NME7: variants seen among roughly 807,000 people sequenced by gnomAD.
The protein encoded by NME7 is NME/NM23 family member 7, also known as nucleoside diphosphate kinase 7.
NME7 carries 41 observed loss-of-function variants against 49.1 expected under a neutral mutation model. That is an observed-to-expected ratio of 0.83 (90% CI 0.65 to 1.08). The LOEUF is 1.08. NME7 is among the 50% of genes least tolerant of loss of function. The pLI, the probability that NME7 is intolerant of heterozygous loss-of-function variation, is 0.00. For missense variants in NME7, 423 were observed against 463.4 expected (o/e 0.91, Z 0.80); for synonymous variants, 139 against 150.6 (o/e 0.92, Z 0.56).
chr1:169,271,667 G>T (rs968266949), intron 7 of NME7, among the ~76,000 whole-genome samples: 1 of 133,204 alleles, frequency 7.5e-6, no homozygotes, highest in African/African-American at 2.5e-5. Flanking sequence ...GGATATTCTG[G>T]CCTTTTTTTG....
intron 7 of NME7, among the ~76,000 whole-genome samples, chr1:169,238,070 T>C (rs367994293): frequency 6.6e-6 from 1 of 151,754 alleles, no homozygotes. Context: ...AAACAAGAGT[T>C]CAAAGAAGGA....
At chr1:169,279,509 C>T (rs1649909156) in intron 7 of NME7, among the ~76,000 whole-genome samples, 1 of 152,222 alleles carries the variant, frequency 6.6e-6, no homozygotes, top group Admixed American at 6.5e-5. Context: ...GGGATATGAC[C>T]TTCTGGTGCG....
chr1:169,133,364 G>A (rs942280586), intron 11 of NME7, among the ~76,000 whole-genome samples: 6 of 152,122 alleles, frequency 3.9e-5, no homozygotes, highest in South Asian at 2.1e-4. Flanking sequence ...GAAACCTTTC[G>A]CAAAGCCTGT....
intron 1 of NME7, among the ~76,000 whole-genome samples, chr1:169,334,417 C>A (rs1652376781): frequency 6.6e-6 from 1 of 152,164 alleles, no homozygotes; most frequent in South Asian, 2.1e-4. Flanking sequence ...CACACATCTA[C>A]AACCATCTCA....
intron 7 of NME7, among the ~76,000 whole-genome samples, chr1:169,276,946 C>G (rs1396721998): frequency 6.7e-6 from 1 of 150,136 alleles, no homozygotes; most frequent in South Asian, 2.2e-4. Flanking sequence ...TCGTTATGTA[C>G]CCAGTAGTCA....
At chr1:169,281,996 T>C (rs1650037462) in intron 7 of NME7, among the ~76,000 whole-genome samples, 1 of 152,208 alleles carries the variant, frequency 6.6e-6, no homozygotes, top group African/African-American at 2.4e-5. Context: ...TCTTTTTCTA[T>C]TGTTTGGAAC....
intron 11 of NME7, chr1:169,168,773 A>C: frequency 2.3e-6 from 1 of 428,748 alleles, no homozygotes; most frequent in Non-Finnish European, 4.6e-6. Context: ...ACACATAAAT[A>C]GACTAGTATC....
intron 7 of NME7, among the ~76,000 whole-genome samples, chr1:169,271,459 T>TG (rs1219730815): frequency 1.5e-5 from 2 of 133,752 alleles, no homozygotes; most frequent in Non-Finnish European, 3.5e-5. Flanking sequence ...AGCCTGCTGT[T>TG]GCTACAAACC....
Position 169,332,781 on chromosome 1 carries a change from T to A in NME7, c.4-8281A>T, listed in dbSNP as rs546702510. 2.0e-5 allele frequency among the ~76,000 whole-genome samples: 3 copies of A among 152,256 alleles called. No individual in the cohort carries two copies. In the South Asian group the frequency reaches 6.2e-4, roughly 32 times the overall value. Reference sequence around the variant, plus strand: ...AAAACTACAATGAGATATCATCTTATCCCAGTTAAAATGGCTCTTATCCAA... The same window carrying A: ...AAAACTACAATGAGATATCATCTTAACCCAGTTAAAATGGCTCTTATCCAA... On this transcript the variant is annotated intron_variant, in intron 1 of 11. Coordinates refer to ENST00000367811, the MANE Select transcript of NME7 (RefSeq NM_013330.5).
At chr1:169,316,052 C>T (rs756630487) in intron 3 of NME7, among the ~76,000 whole-genome samples, 14 of 151,736 alleles carry the variant, frequency 9.2e-5, no homozygotes, top group Admixed American at 2.6e-4. Flanking sequence ...TAAAAAGAAA[C>T]GGGTAGTTTA....
chr1:169,169,360 A>C lies in NME7; in HGVS notation c.1098+87T>G, dbSNP rs75422514. On this transcript the variant is annotated intron_variant, in intron 11 of 11. Coordinates refer to ENST00000367811, the MANE Select transcript of NME7 (RefSeq NM_013330.5). The stretch of plus-strand genomic sequence containing the variant: ...ACCTAGAACTTGAAGTATAACAATA[A>C]AACAAAAAGTTTTCTTACACATCAG... 4.0e-3 allele frequency: 4,800 copies of C among 1,207,028 alleles called. 81 individuals carry two copies. The African/African-American group carries it at 0.049, about 12-fold the overall frequency. The allele number at this position is 1,207,028 out of a possible 1,614,324, so 74.8% of individuals were successfully genotyped here. A position where few individuals can be genotyped will look rare whatever the true frequency, so the allele number is the denominator to read the frequency against.
intron 10 of NME7, among the ~76,000 whole-genome samples, chr1:169,224,763 C>G (rs552495825): frequency 6.6e-6 from 1 of 152,160 alleles, no homozygotes; most frequent in Non-Finnish European, 1.5e-5. Flanking sequence ...AAGTGTTTTC[C>G]ACATTCGAGG....
At chr1:169,242,032 T>TCCTG (rs1648111559) in intron 7 of NME7, among the ~76,000 whole-genome samples, 2 of 152,042 alleles carry the variant, frequency 1.3e-5, no homozygotes, top group Admixed American at 1.3e-4. Context: ...CAAACAATAT[T>TCCTG]CCTGCCTCAG....
chr1:169,254,164 T>G (rs1403017309), intron 7 of NME7, among the ~76,000 whole-genome samples: 7 of 150,292 alleles, frequency 4.7e-5, no homozygotes, highest in Non-Finnish European at 8.8e-5. Flanking sequence ...GTACCTCTGG[T>G]AGAATTCAGC....
At chr1:169,175,373 A>T (rs892993695) in intron 10 of NME7, among the ~76,000 whole-genome samples, 5 of 152,198 alleles carry the variant, frequency 3.3e-5, no homozygotes, top group African/African-American at 1.2e-4. Context: ...TCTAATAAGT[A>T]GAAAAAGTAT....
chr1:169,230,307 A>G (rs750246301), intron 10 of NME7, among the ~76,000 whole-genome samples: 2 of 152,220 alleles, frequency 1.3e-5, no homozygotes, highest in Admixed American at 6.5e-5. Context: ...CAAATTTCAC[A>G]TAAGTCTTAT....
intron 11 of NME7, among the ~76,000 whole-genome samples, chr1:169,158,378 T>A (rs1180916153): frequency 6.6e-6 from 1 of 152,238 alleles, no homozygotes; most frequent in Non-Finnish European, 1.5e-5. Flanking sequence ...AACTTTTTAT[T>A]TTTTAATTTT....
At chr1:169,133,261 A>G (rs1249762918) in intron 11 of NME7, among the ~76,000 whole-genome samples, 1 of 152,196 alleles carries the variant, frequency 6.6e-6, no homozygotes, top group African/African-American at 2.4e-5. Context: ...TTTCCAAAAA[A>G]CATTTTCCAG....
At chr1:169,230,529 CAA>C (rs541395907) in intron 10 of NME7, among the ~76,000 whole-genome samples, 187 bp downstream of exon 10, 1 of 151,624 alleles carries the variant, frequency 6.6e-6, no homozygotes, top group Admixed American at 6.6e-5. Context: ...ACTAAGTTAA[CAA>C]AAAAAATTAT....
Sources: allele counts gnomAD v4.1 joint callset (sites outside exome capture counted in the v4.1 genomes callset), GRCh38; gene constraint gnomAD v4.1.1; transcripts MANE v1.5; gene names NCBI Gene and HGNC (gene_info 2026-07-23, HGNC 2026-07-21).